The following TYRP1 variants were observed in gnomAD, a reference collection of about 807,000 sequenced individuals.
TYRP1 encodes the protein 5,6-dihydroxyindole-2-carboxylic acid oxidase.
Under a neutral mutation model 42.8 loss-of-function variants are expected in TYRP1, and 49 were observed. That is an observed-to-expected ratio of 1.14 (90% CI 0.91 to 1.45). The LOEUF (loss-of-function observed/expected upper bound fraction) is 1.45. Among genes scored for constraint, TYRP1 ranks in the 40% most tolerant of loss-of-function variants. TYRP1 has a pLI of 0.00. For missense variants in TYRP1, 848 were observed against 662.0 expected, an observed-to-expected ratio of 1.28 and a Z score of -3.08; for synonymous variants, 279 against 235.4, an observed-to-expected ratio of 1.19 and a Z score of -1.69.
At chr9:12,700,123 T>G (rs570314398) in intron 4 of TYRP1, 26 of 152,248 alleles carry the variant, frequency 1.7e-4, no homozygotes, top group Middle Eastern at 3.4e-3. Flanking sequence ...ATCATTTTAT[T>G]GAACATATAT....
intron 6 of TYRP1, among the ~76,000 whole-genome samples, chr9:12,706,213 G>T (rs528823610): frequency 2.6e-5 from 4 of 151,904 alleles, no homozygotes; most frequent in Non-Finnish European, 5.9e-5. Context: ...GGAACTACAT[G>T]GCAATGTTCA....
chr9:12,703,011 A>G (rs1338474823), intron 5 of TYRP1, among the ~76,000 whole-genome samples: 1 of 152,054 alleles, frequency 6.6e-6, no homozygotes, highest in Non-Finnish European at 1.5e-5. Context: ...TGAGGTATAA[A>G]CAGGTAAAAT....
rs1469055913 is a variant in TYRP1, at chr9:12,698,488, G to A, written c.746G>A (p.Trp249Ter). The A allele has an allele frequency of 6.2e-7, 1 of 1,613,670 alleles. No individual in the cohort carries two copies. Among genetic ancestry groups the A allele is most frequent in the Admixed American group, 1.7e-5 (1 of 59,946 alleles). ...GAGCCTTCTTTCTCCCTTCCTTACT[G>A]GAATTTTGCAACGGGGAAAAATGTC... ...LQEPSFSLPYWNFATGKNVCD... is the reference protein window; with the variant it reads ...LQEPSFSLPY Residue 249 changes from tryptophan (W) to a stop codon, truncating the protein, a stop_gained, in exon 4 of 8, where the codon TGG (tryptophan) becomes TAG (stop). Transcript: ENST00000388918. LOFTEE classifies it high-confidence loss of function.
In TYRP1 at chr9:12,694,060, G is replaced by T; in HGVS notation, c.64G>T (p.Ala22Ser). The part of the protein sequence containing the change: ...IFFPLLLFQQ[A>S]RAQFPRQCAT... ...CTTCCCCTTGCTACTTTTTCAGCAG[G>T]CCCGGGCTCAATTCCCAAGACAGTG... The change falls in exon 2 of 8, where the codon GCC (alanine) becomes TCC (serine). Residue 22 changes from alanine (A) to serine (S), a missense_variant. Coordinates refer to ENST00000388918, the MANE Select transcript of TYRP1 (RefSeq NM_000550.3). The T allele has an allele frequency of 6.2e-7, 1 of 1,613,856 alleles. No individual in the cohort carries two copies. Among genetic ancestry groups the T allele is most frequent in the Non-Finnish European group, 8.5e-7 (1 of 1,179,998 alleles).
Position 12,694,238 on chromosome 9 carries a change from A to C in TYRP1, c.242A>C (p.His81Pro), listed in dbSNP as rs1818040567. 2 of 1,613,852 alleles carry C rather than the reference A, an allele frequency of 1.2e-6. No homozygotes were observed. The highest frequency in any genetic ancestry group is 2.2e-5 in the South Asian group (2 of 91,002). ...DSRPHSPQYP[H>P]DGRDDREVWP... Reference sequence around the variant, plus strand: ...CGGCCCCACAGCCCTCAGTATCCCCATGATGGCAGAGATGATCGGGAGGTC... The same window carrying C: ...CGGCCCCACAGCCCTCAGTATCCCCCTGATGGCAGAGATGATCGGGAGGTC... The change falls in exon 2 of 8, where the codon CAT becomes CCT. Residue 81 changes from histidine to proline, a missense_variant. His to Pro is a moderately conservative substitution (Grantham distance 77). Transcript: ENST00000388918.
At position 12,697,066 on chromosome 9, in the gene TYRP1, T is replaced by C. The variant is rs530550639; in HGVS notation, c.708+1229T>C. On this transcript the variant is annotated intron_variant, in intron 3 of 7. Coordinates refer to ENST00000388918, the MANE Select transcript of TYRP1 (RefSeq NM_000550.3). ...GATTAAATGAATTCATCTGATACTC[T>C]GAACGTCATATTTTATAGCTCTGAT... Among the ~76,000 whole-genome samples the C allele has an allele frequency of 1.3e-5, 2 of 152,318 alleles. 1 individual carries two copies. The highest frequency in any genetic ancestry group is 4.8e-5 in the African/African-American group (2 of 41,588).
At chr9:12,695,951 T>G (rs1818073842) in intron 3 of TYRP1, 114 bp downstream of exon 3, 2 of 1,082,556 alleles carry the variant, frequency 1.8e-6, no homozygotes, top group Admixed American at 2.0e-5. Context: ...AAAAAGCAAT[T>G]TTATGTTACT....
At chr9:12,707,603 A>G in intron 6 of TYRP1, 1 of 194,902 alleles carries the variant, frequency 5.1e-6, no homozygotes, top group South Asian at 9.9e-5. Flanking sequence ...AGTAAGGTCA[A>G]AGGGATAACA....
chr9:12,705,742 G>A (rs773827038), intron 6 of TYRP1, among the ~76,000 whole-genome samples: 1 of 151,972 alleles, frequency 6.6e-6, no homozygotes, highest in Non-Finnish European at 1.5e-5. Context: ...ACCTACTGGG[G>A]AGGCTGAGGC....
chr9:12,705,573 A>G (rs1818244460), intron 6 of TYRP1, among the ~76,000 whole-genome samples: 1 of 152,028 alleles, frequency 6.6e-6, no homozygotes, highest in Admixed American at 6.6e-5. Context: ...TTAAGAAACA[A>G]CTTACACATA....
chr9:12,707,522 C>CAT, intron 6 of TYRP1: 20 of 157,678 alleles, frequency 1.3e-4, no homozygotes, highest in South Asian at 3.9e-4. Context: ...GAAGAATGTC[C>CAT]TAAGACAAAG....
chr9:12,708,517 C>G (rs1818298597), intron 7 of TYRP1, among the ~76,000 whole-genome samples: 1 of 151,936 alleles, frequency 6.6e-6, no homozygotes, highest in Admixed American at 6.6e-5. Flanking sequence ...AATTTTTCTA[C>G]TATACCATAT....
intron 4 of TYRP1, among the ~76,000 whole-genome samples, chr9:12,701,070 C>T (rs566969601): frequency 6.6e-6 from 1 of 152,054 alleles, no homozygotes; most frequent in East Asian, 1.9e-4. Context: ...TGTCCCTTTA[C>T]GGTACATATA....
chr9:12,709,061 C>CTT lies in TYRP1; in HGVS notation c.1494_1495dup (p.Tyr499PhefsTer3), dbSNP rs1291260208. 2.5e-6 allele frequency: 4 copies of CTT among 1,612,692 alleles called. No homozygotes were observed. The African/African-American group carries it at 4.0e-5, about 16-fold the overall frequency. On this transcript the variant is annotated frameshift_variant, in exon 8 of 8. Coordinates refer to ENST00000388918, the MANE Select transcript of TYRP1 (RefSeq NM_000550.3). LOFTEE classifies it high-confidence loss of function. ...GTTGCACTCATTTTTGGGACTGCTT[C>CTT]TTATCTGATTCGTGCCAGACGCAGT...
chr9:12,697,205 G>A (rs1038969190), intron 3 of TYRP1, among the ~76,000 whole-genome samples: 2 of 152,188 alleles, frequency 1.3e-5, no homozygotes, highest in South Asian at 4.1e-4. Flanking sequence ...AGGGCAGGTG[G>A]AAAGTATCTA....
chr9:12,695,082 A>AT (rs1317672511), intron 2 of TYRP1, among the ~76,000 whole-genome samples: 2 of 152,174 alleles, frequency 1.3e-5, no homozygotes, highest in Non-Finnish European at 2.9e-5. Flanking sequence ...CATTTTAATG[A>AT]TTAAAAAAAA....
At chr9:12,698,984 G>C (rs1210570956) in intron 4 of TYRP1, among the ~76,000 whole-genome samples, 2 of 152,166 alleles carry the variant, frequency 1.3e-5, no homozygotes, top group Admixed American at 6.6e-5. Context: ...GAAGTCATGT[G>C]TCTTGTGTTG....
chr9:12,703,417 C>T (rs777848641), intron 5 of TYRP1, among the ~76,000 whole-genome samples: 1 of 150,870 alleles, frequency 6.6e-6, no homozygotes, highest in Non-Finnish European at 1.5e-5. Flanking sequence ...GAATATGATT[C>T]AATAAAAAAA....
intron 4 of TYRP1, among the ~76,000 whole-genome samples, chr9:12,699,153 G>A (rs1301525936): frequency 6.6e-6 from 1 of 152,080 alleles, no homozygotes; most frequent in Non-Finnish European, 1.5e-5. Flanking sequence ...TTCAGAAAAG[G>A]AGTATATTGT....
Sources: allele counts gnomAD v4.1 joint callset (sites outside exome capture counted in the v4.1 genomes callset), GRCh38; gene constraint gnomAD v4.1.1; transcripts MANE v1.5; gene names NCBI Gene and HGNC (gene_info 2026-07-23, HGNC 2026-07-21).